The following PPARGC1A variants were observed in gnomAD, a reference collection of about 807,000 sequenced individuals.
PPARGC1A encodes the protein peroxisome proliferator-activated receptor gamma coactivator 1-alpha.
PPARGC1A carries 25 observed loss-of-function variants against 88.7 expected under a neutral mutation model. That is an observed-to-expected ratio of 0.28 (90% CI 0.21 to 0.39). The LOEUF is 0.39. Among genes scored for constraint, PPARGC1A ranks in the 10% least tolerant of loss-of-function variants. The pLI, the probability that PPARGC1A is intolerant of heterozygous loss-of-function variation, is 1.00. For synonymous variants in PPARGC1A, 363 were observed against 355.6 expected, an observed-to-expected ratio of 1.02 and a Z score of -0.24; for missense variants, 880 against 968.7, an observed-to-expected ratio of 0.91 and a Z score of 1.22.
chr4:23,906,907 A>T (rs1720114466), upstream of PPARGC1A, among the ~76,000 whole-genome samples: 1 of 152,186 alleles, frequency 6.6e-6, no homozygotes, highest in Non-Finnish European at 1.5e-5. Context: ...AGGAAATAAG[A>T]ATAAAACAAA....
At chr4:24,402,460 A>T in the PPARGC1A span, among the ~76,000 whole-genome samples, 1 of 152,164 alleles carries the variant, frequency 6.6e-6, no homozygotes, top group Non-Finnish European at 1.5e-5. Flanking sequence ...TCTTAATCTG[A>T]TCCCCATGAC....
At chr4:23,818,008 CT>C (rs1376895955) in intron 7 of PPARGC1A, among the ~76,000 whole-genome samples, 3 of 152,190 alleles carry the variant, frequency 2.0e-5, no homozygotes, top group Non-Finnish European at 2.9e-5. Flanking sequence ...CTACCCACAA[CT>C]TTCCCCCCTG....
chr4:24,103,804 AG>A, the PPARGC1A span, among the ~76,000 whole-genome samples: 1 of 152,214 alleles, frequency 6.6e-6, no homozygotes, highest in Non-Finnish European at 1.5e-5. Flanking sequence ...TTCAGCAGAC[AG>A]GGGAGGTTTA....
At chr4:23,798,586 T>C (rs1156496611) in intron 12 of PPARGC1A, among the ~76,000 whole-genome samples, 1 of 152,198 alleles carries the variant, frequency 6.6e-6, no homozygotes, top group Non-Finnish European at 1.5e-5. Flanking sequence ...GTATGTGTCA[T>C]TTATTTTTTT....
the PPARGC1A span, among the ~76,000 whole-genome samples, chr4:23,954,133 C>T: frequency 1.3e-5 from 2 of 151,886 alleles, no homozygotes; most frequent in African/African-American, 4.8e-5. Flanking sequence ...AATTTACATT[C>T]TCACATTTTT....
chr4:24,095,150 C>T, the PPARGC1A span, among the ~76,000 whole-genome samples: 1 of 134,996 alleles, frequency 7.4e-6, no homozygotes, highest in Non-Finnish European at 1.5e-5. Context: ...CAGAGTCTCA[C>T]TCTGTCACCC....
chr4:23,812,812 T>C lies in PPARGC1A; in HGVS notation c.1954A>G (p.Arg652Gly). The change falls in exon 10 of 13, where the codon AGA becomes GGA. Residue 652 changes from arginine to glycine, a missense_variant. Arg to Gly is a moderately radical substitution (Grantham distance 125). Transcript: ENST00000264867. ...TCAGACTCTCGCTTCTCATACTCTC[T>C]GCGATATTCTTCCCTCTTCAGCCTC... ...HERLKREEYR[R>G]EYEKRESERA... 2 of 1,614,084 alleles carry C rather than the reference T, an allele frequency of 1.2e-6. No individual in the cohort carries two copies. The highest frequency in any genetic ancestry group is 1.7e-6 in the Non-Finnish European group (2 of 1,180,012).
chr4:23,821,845 G>T (rs550891786), intron 7 of PPARGC1A, among the ~76,000 whole-genome samples: 1 of 151,612 alleles, frequency 6.6e-6, no homozygotes, highest in South Asian at 2.1e-4. Flanking sequence ...TTTAAACTTG[G>T]GTTTGCCCAA....
At chr4:24,113,451 C>A in the PPARGC1A span, among the ~76,000 whole-genome samples, 38,991 of 152,038 alleles carry the variant, frequency 0.26, 5,589 homozygotes, top group East Asian at 0.57. Context: ...GGGAGACAAC[C>A]AATATTGGGT....
the PPARGC1A span, among the ~76,000 whole-genome samples, chr4:24,305,487 A>G: frequency 6.6e-6 from 1 of 152,336 alleles, no homozygotes; most frequent in African/African-American, 2.4e-5. Flanking sequence ...TGGAAATTAC[A>G]TGACTGGCAT....
chr4:24,061,878 T>G, the PPARGC1A span, among the ~76,000 whole-genome samples: 3 of 152,168 alleles, frequency 2.0e-5, no homozygotes, highest in Admixed American at 6.5e-5. Flanking sequence ...GCCCAGATCT[T>G]GAGTTCCATC....
chr4:24,449,779 G>A, the PPARGC1A span, among the ~76,000 whole-genome samples: 2 of 152,246 alleles, frequency 1.3e-5, no homozygotes, highest in East Asian at 3.9e-4. Context: ...AAATACCTAA[G>A]TAATCTGCAT....
the PPARGC1A span, among the ~76,000 whole-genome samples, chr4:24,332,785 G>A: frequency 6.1e-4 from 93 of 152,322 alleles, 1 homozygote; most frequent in Middle Eastern, 6.8e-3. Flanking sequence ...AGATGCGATA[G>A]TCTATTAACA....
intron 10 of PPARGC1A, among the ~76,000 whole-genome samples, chr4:23,812,363 A>G (rs2109443378): frequency 6.6e-6 from 1 of 152,278 alleles, no homozygotes; most frequent in African/African-American, 2.4e-5. Context: ...CTGAAACGAG[A>G]TAGCAATCCC....
At chr4:24,124,669 A>ATTT in the PPARGC1A span, among the ~76,000 whole-genome samples, 1 of 148,312 alleles carries the variant, frequency 6.7e-6, no homozygotes, top group Non-Finnish European at 1.5e-5. Flanking sequence ...AGGTAGAAGC[A>ATTT]TTTTTTTTTT....
chr4:23,957,978 C>T, the PPARGC1A span, among the ~76,000 whole-genome samples: 8 of 151,898 alleles, frequency 5.3e-5, no homozygotes, highest in South Asian at 6.2e-4. Flanking sequence ...GTTTTGCAGT[C>T]GATCTACTCA....
At chr4:24,044,758 G>C in the PPARGC1A span, among the ~76,000 whole-genome samples, 44 of 152,156 alleles carry the variant, frequency 2.9e-4, 1 homozygote, top group South Asian at 2.1e-4. Flanking sequence ...TGGCAAGGCT[G>C]GTCACTGGGA....
chr4:24,284,655 C>T, the PPARGC1A span, among the ~76,000 whole-genome samples: 1 of 152,232 alleles, frequency 6.6e-6, no homozygotes, highest in South Asian at 2.1e-4. Flanking sequence ...TCACCCCAGA[C>T]CCTCTACAAA....
At chr4:24,153,283 A>G in the PPARGC1A span, among the ~76,000 whole-genome samples, 1 of 152,190 alleles carries the variant, frequency 6.6e-6, no homozygotes, top group Non-Finnish European at 1.5e-5. Flanking sequence ...TGACAATTCA[A>G]TTATTTTTGC....
Sources: allele counts gnomAD v4.1 joint callset (sites outside exome capture counted in the v4.1 genomes callset), GRCh38; gene constraint gnomAD v4.1.1; transcripts MANE v1.5; gene names NCBI Gene and HGNC (gene_info 2026-07-23, HGNC 2026-07-21).